CEP128: variants seen among roughly 807,000 people sequenced by gnomAD.
CEP128 encodes the protein centrosomal protein 128kDa.
CEP128 carries 132 observed loss-of-function variants against 156.7 expected under a neutral mutation model. The observed-to-expected ratio is 0.84, with a 90% CI of 0.73 to 0.97. CEP128 has a LOEUF of 0.97. CEP128 is among the 50% of genes least tolerant of loss of function. The pLI is 0.00. For missense variants in CEP128, 1,252 were observed against 1,281.9 expected, an observed-to-expected ratio of 0.98 and a Z score of 0.36; for synonymous variants, 469 against 448.9, an observed-to-expected ratio of 1.04 and a Z score of -0.57.
chr14:80,567,738 T>C (rs1428115970), intron 20 of CEP128, among the ~76,000 whole-genome samples: 1 of 151,984 alleles, frequency 6.6e-6, no homozygotes, highest in Non-Finnish European at 1.5e-5. Flanking sequence ...CAAAGGTGAG[T>C]GACATCTGGA....
chr14:80,947,192 C>T (rs1445578176), intron 2 of CEP128, among the ~76,000 whole-genome samples: 2 of 152,046 alleles, frequency 1.3e-5, no homozygotes, highest in African/African-American at 4.8e-5. Context: ...CAACAGCACA[C>T]TAACTATGTC....
intron 13 of CEP128, among the ~76,000 whole-genome samples, chr14:80,810,323 CAAAAAAAAAAAAAAAAA>C (rs71103883): frequency 6.6e-5 from 1 of 15,192 alleles, no homozygotes; most frequent in Admixed American, 1.0e-3. Context: ...ACTCCATCTC[CAAAAAAAAAAAAAAAAA>C]AAAAAAAAGA....
intron 19 of CEP128, among the ~76,000 whole-genome samples, chr14:80,647,027 ATGTGTGCATG>A (rs1566831422): frequency 0.029 from 3,432 of 117,022 alleles, 314 homozygotes; most frequent in Non-Finnish European, 0.045. Flanking sequence ...GTGTATATAT[ATGTGTGCATG>A]TATATATATA....
At chr14:80,884,963 G>A (rs1401738769) in intron 8 of CEP128, among the ~76,000 whole-genome samples, 1 of 152,150 alleles carries the variant, frequency 6.6e-6, no homozygotes, top group African/African-American at 2.4e-5. Flanking sequence ...GTGGTGGGAG[G>A]GGCATCGCCA....
chr14:80,788,073 C>G (rs1298022550), intron 14 of CEP128, among the ~76,000 whole-genome samples: 1 of 152,116 alleles, frequency 6.6e-6, no homozygotes, highest in African/African-American at 2.4e-5. Flanking sequence ...AATACAGATA[C>G]TAAAAACTAA....
At chr14:80,619,047 T>C (rs993247881) in intron 19 of CEP128, among the ~76,000 whole-genome samples, 32 of 152,140 alleles carry the variant, frequency 2.1e-4, no homozygotes, top group Non-Finnish European at 1.5e-5. Context: ...ACTGGTTAAG[T>C]GTAAAAATGA....
intron 13 of CEP128, among the ~76,000 whole-genome samples, chr14:80,829,572 G>A (rs1468664250): frequency 6.6e-6 from 1 of 152,152 alleles, no homozygotes; most frequent in Non-Finnish European, 1.5e-5. Context: ...ACTGCTCCCA[G>A]CCTGCATCAA....
At chr14:80,503,983 C>T (rs1385068164) in intron 24 of CEP128, among the ~76,000 whole-genome samples, 2 of 152,046 alleles carry the variant, frequency 1.3e-5, no homozygotes, top group African/African-American at 4.8e-5. Context: ...TTCCTAGTGG[C>T]TTATTTTGGC....
chr14:80,830,807 T>C, intron 13 of CEP128: 1 of 211,052 alleles, frequency 4.7e-6, no homozygotes, highest in Admixed American at 5.6e-5. Flanking sequence ...AATAATTCAC[T>C]GTTCTCTCAA....
At chr14:80,612,632 A>T (rs1893038781) in intron 19 of CEP128, among the ~76,000 whole-genome samples, 1 of 152,222 alleles carries the variant, frequency 6.6e-6, no homozygotes, top group South Asian at 2.1e-4. Flanking sequence ...CAGGTGTATC[A>T]AAATGCTAGT....
In CEP128 at chr14:80,857,776, ATGAAT is replaced by A. The variant is rs774798299; in HGVS notation, c.762+4976_762+4980del. On this transcript the variant is annotated intron_variant, in intron 9 of 24. Transcript: ENST00000555265. ...AACAACAACAACAACAACAAAAAAC[ATGAAT>A]TGAATTAGTAAAGTTCAAAGTATCA... Among the ~76,000 whole-genome samples the A allele has an allele frequency of 3.1e-4, 47 of 151,474 alleles. 1 individual carries two copies. In the Middle Eastern group the frequency reaches 0.01, roughly 33 times the overall value.
chr14:80,581,055 C>G (rs1015169188), intron 19 of CEP128, among the ~76,000 whole-genome samples: 1 of 152,116 alleles, frequency 6.6e-6, no homozygotes, highest in Non-Finnish European at 1.5e-5. Context: ...AAGGGAAGGT[C>G]GTCAACTGAA....
At chr14:80,514,910 G>A (rs566622981) in intron 23 of CEP128, among the ~76,000 whole-genome samples, 3 of 152,294 alleles carry the variant, frequency 2.0e-5, no homozygotes, top group Non-Finnish European at 4.4e-5. Context: ...TGTGATCTAA[G>A]TCTTTGGTCC....
intron 19 of CEP128, among the ~76,000 whole-genome samples, chr14:80,634,295 G>C (rs935074696): frequency 1.8e-4 from 27 of 152,190 alleles, no homozygotes; most frequent in African/African-American, 6.5e-4. Flanking sequence ...TAATAGATGA[G>C]TGAGTCTTTA....
intron 13 of CEP128, among the ~76,000 whole-genome samples, chr14:80,821,317 T>A (rs1420565981): frequency 6.6e-6 from 1 of 152,230 alleles, no homozygotes; most frequent in Non-Finnish European, 1.5e-5. Context: ...GAATAATGTA[T>A]GAACAGTTAA....
chr14:80,846,334 G>A (rs1886601588), intron 9 of CEP128, among the ~76,000 whole-genome samples: 1 of 152,008 alleles, frequency 6.6e-6, no homozygotes, highest in South Asian at 2.1e-4. Flanking sequence ...ATATGCTGAA[G>A]GATTAAGTAG....
chr14:80,756,928 T>C lies in CEP128; in HGVS notation c.2577A>G (p.Ile859Met), dbSNP rs772436829. The C allele has an allele frequency of 3.1e-6, 5 of 1,602,020 alleles. No individual in the cohort carries two copies. Among genetic ancestry groups the C allele is most frequent in the Non-Finnish European group, 3.4e-6 (4 of 1,170,590 alleles). Reference protein sequence around the residue: ...KLKVFSSGPDIHYDPHRWLAE... With the variant: ...KLKVFSSGPDMHYDPHRWLAE... The stretch of plus-strand genomic sequence containing the variant: ...CTAACCAGCGATGTGGGTCATAATG[T>C]ATATCAGGACCAGATGAAAAAACCT... The change falls in exon 18 of 25, where the codon ATA becomes ATG. Residue 859 changes from isoleucine to methionine, a missense_variant. Physicochemically the swap from Ile to Met is conservative, Grantham distance 10 (BLOSUM62 1). Coordinates refer to ENST00000555265, the MANE Select transcript of CEP128 (RefSeq NM_152446.5).
chr14:80,479,528 C>CA (rs1231082961), intron 14 of CEP128, among the ~76,000 whole-genome samples: 11 of 152,156 alleles, frequency 7.2e-5, no homozygotes, highest in African/African-American at 2.7e-4. Context: ...TATTCACTAT[C>CA]ATGAGAATAT....
chr14:80,641,710 A>G (rs1343488653), intron 19 of CEP128, among the ~76,000 whole-genome samples: 2 of 152,216 alleles, frequency 1.3e-5, no homozygotes, highest in Non-Finnish European at 2.9e-5. Flanking sequence ...TCCTTACTCA[A>G]GACTAATTAT....
Sources: allele counts gnomAD v4.1 joint callset (sites outside exome capture counted in the v4.1 genomes callset), GRCh38; gene constraint gnomAD v4.1.1; transcripts MANE v1.5; gene names NCBI Gene and HGNC (gene_info 2026-07-23, HGNC 2026-07-21).